The following LAMA2 variants were observed in gnomAD, a reference collection of about 807,000 sequenced individuals.
LAMA2 encodes the protein laminin subunit alpha 2.
LAMA2 carries 269 observed loss-of-function variants against 364.8 expected under a neutral mutation model. That is an observed-to-expected ratio of 0.74 (90% CI 0.67 to 0.82). LAMA2 has a LOEUF of 0.82. Among genes scored for constraint, LAMA2 ranks in the 40% least tolerant of loss-of-function variants. The probability of loss-of-function intolerance (pLI) is 0.00; values close to 1 mark genes in which losing one functional copy is unlikely to be tolerated. For missense variants in LAMA2, 3,807 were observed against 3,873.2 expected (o/e 0.98, Z 0.45); for synonymous variants, 1,379 against 1,370.6 (o/e 1.01, Z -0.14).
At chr6:128,905,819 G>A (rs1214535802) in intron 1 of LAMA2, among the ~76,000 whole-genome samples, 2 of 149,890 alleles carry the variant, frequency 1.3e-5, no homozygotes, top group South Asian at 2.1e-4. Context: ...AGAGTGTGAT[G>A]TTCCCCTTCC....
intron 3 of LAMA2, among the ~76,000 whole-genome samples, chr6:129,070,380 G>C (rs149831972): frequency 1.4e-4 from 21 of 152,154 alleles, no homozygotes; most frequent in South Asian, 4.1e-4. Context: ...GCTCAAAAAT[G>C]CTTTAATTAC....
At chr6:129,266,663 G>A (rs182944967) in intron 15 of LAMA2, among the ~76,000 whole-genome samples, 1 of 152,178 alleles carries the variant, frequency 6.6e-6, no homozygotes, top group African/African-American at 2.4e-5. Context: ...TAGTATATGG[G>A]CAAGTGAACA....
intron 4 of LAMA2, among the ~76,000 whole-genome samples, chr6:129,110,590 T>A (rs2114899230): frequency 6.6e-6 from 1 of 152,218 alleles, no homozygotes. Context: ...TGCCATGCAT[T>A]CTTCCATCTG....
intron 55 of LAMA2, among the ~76,000 whole-genome samples, chr6:129,483,439 G>A (rs1583856842): frequency 6.6e-6 from 1 of 152,070 alleles, no homozygotes; most frequent in Non-Finnish European, 1.5e-5. Flanking sequence ...AAGCCCATAT[G>A]GAGAAAATTA....
intron 4 of LAMA2, among the ~76,000 whole-genome samples, chr6:129,102,328 G>A (rs984893390): frequency 1.3e-5 from 2 of 151,276 alleles, no homozygotes; most frequent in African/African-American, 4.8e-5. Flanking sequence ...GTACAGACAG[G>A]GTTTCACCAT....
At chr6:129,017,442 C>T (rs932867170) in intron 1 of LAMA2, among the ~76,000 whole-genome samples, 74 of 151,510 alleles carry the variant, frequency 4.9e-4, no homozygotes, top group African/African-American at 1.6e-3. Flanking sequence ...AGATTATTTA[C>T]TTACTATTGA....
intron 51 of LAMA2, among the ~76,000 whole-genome samples, chr6:129,466,382 G>T (rs1036654589): frequency 1.3e-5 from 2 of 151,944 alleles, no homozygotes; most frequent in African/African-American, 4.8e-5. Context: ...TGGATGAAAA[G>T]CATGTATGGA....
rs73776916 is a variant in LAMA2, at chr6:129,296,521, T to C, written c.2857-1164T>C. ...TTTTACATTTTAAAAATAAAACTAT[T>C]CTTAGCTACGGTCATTTTAAAAATC... On this transcript the variant is annotated intron_variant, in intron 20 of 64. Transcript: ENST00000421865. 8.8e-3 allele frequency among the ~76,000 whole-genome samples: 1,342 copies of C among 152,188 alleles called. 19 individuals are homozygous for C. The highest frequency in any genetic ancestry group is 0.03 in the African/African-American group (1,260 of 41,576).
chr6:129,504,285 C>G (rs1785882154), intron 60 of LAMA2, among the ~76,000 whole-genome samples: 1 of 152,104 alleles, frequency 6.6e-6, no homozygotes, highest in South Asian at 2.1e-4. Flanking sequence ...CCATCTCTAG[C>G]TAATAGAATA....
At chr6:129,100,427 A>G (rs1775456130) in intron 4 of LAMA2, among the ~76,000 whole-genome samples, 1 of 152,208 alleles carries the variant, frequency 6.6e-6, no homozygotes, top group Non-Finnish European at 1.5e-5. Context: ...TAGAATGATA[A>G]GACTGAAGAA....
chr6:129,360,940 C>T (rs1777424150), intron 32 of LAMA2, among the ~76,000 whole-genome samples: 1 of 152,124 alleles, frequency 6.6e-6, no homozygotes, highest in Non-Finnish European at 1.5e-5. Context: ...TTGGAAATTT[C>T]TGGAACCATC....
In LAMA2 at chr6:129,397,248, C is replaced by T. The variant is rs1396084255; in HGVS notation, c.5446-3976C>T. 3.9e-5 allele frequency among the ~76,000 whole-genome samples: 6 copies of T among 152,120 alleles called. No homozygotes were observed. The East Asian group carries it at 1.2e-3, about 29-fold the overall frequency. On this transcript the variant is annotated intron_variant, in intron 37 of 64. Transcript: ENST00000421865. ...ATGCCATACTTTTTGTAGAATAATTCTCCCTATACATAGGCCTTCTTTCTG... is the reference window on the plus strand; with the variant it reads ...ATGCCATACTTTTTGTAGAATAATTTTCCCTATACATAGGCCTTCTTTCTG...
At chr6:129,201,073 G>T (rs942582918) in intron 12 of LAMA2, among the ~76,000 whole-genome samples, 1 of 152,028 alleles carries the variant, frequency 6.6e-6, no homozygotes, top group African/African-American at 2.4e-5. Flanking sequence ...AAGCCTGAGG[G>T]GGAAAAAATG....
In LAMA2 at chr6:129,192,662, C is replaced by G. The variant is rs772531463; in HGVS notation, c.1609-18C>G. ...GATATTTTTTAAAAATTAATGATGA[C>G]TGTGTGTTTTCTCTAAGATACAAGA... On this transcript the variant is annotated intron_variant, in intron 11 of 64. Coordinates refer to ENST00000421865, the MANE Select transcript of LAMA2 (RefSeq NM_000426.4). 5.6e-6 allele frequency: 9 copies of G among 1,610,126 alleles called. No individual in the cohort carries two copies. The South Asian group carries it at 9.9e-5, about 18-fold the overall frequency.
chr6:129,398,472 C>CTTTTTTTTTTTTTT (rs71028159), intron 37 of LAMA2, among the ~76,000 whole-genome samples: 52 of 110,490 alleles, frequency 4.7e-4, no homozygotes, highest in Non-Finnish European at 5.9e-4. Context: ...CTTTTCTTTT[C>CTTTTTTTTTTTTTT]TTTTTTTTTT....
intron 17 of LAMA2, among the ~76,000 whole-genome samples, chr6:129,276,881 CTATG>C (rs1270061838): frequency 2.0e-5 from 3 of 151,996 alleles, no homozygotes; most frequent in South Asian, 2.1e-4. Flanking sequence ...AATTGTTTCT[CTATG>C]TATGCATTCA....
At chr6:129,359,041 T>G (rs1345015139) in intron 32 of LAMA2, among the ~76,000 whole-genome samples, 3 of 151,956 alleles carry the variant, frequency 2.0e-5, no homozygotes, top group Non-Finnish European at 4.4e-5. Context: ...GGTACTTACC[T>G]CATAGAATTG....
intron 4 of LAMA2, among the ~76,000 whole-genome samples, chr6:129,106,087 C>T (rs183379661): frequency 1.3e-5 from 2 of 152,064 alleles, no homozygotes; most frequent in African/African-American, 4.8e-5. Context: ...CACTTTGATT[C>T]TGCTTTGAAA....
At chr6:128,952,346 G>A (rs1329716659) in intron 1 of LAMA2, among the ~76,000 whole-genome samples, 3 of 152,028 alleles carry the variant, frequency 2.0e-5, no homozygotes, top group South Asian at 2.1e-4. Context: ...CTGGATGTTA[G>A]CTAACAAGAA....
Sources: gnomAD v4.1 joint callset for allele counts (sites outside exome capture counted in the v4.1 genomes callset) on GRCh38, gnomAD v4.1.1 for gene constraint, MANE v1.5 for transcripts, NCBI Gene and HGNC (gene_info 2026-07-23, HGNC 2026-07-21) for gene names.